Variants in MACF1 observed in about 807,000 individuals in gnomAD.
MACF1 encodes the protein microtubule actin crosslinking factor 1.
Under a neutral mutation model 854.8 loss-of-function variants are expected in MACF1, and 193 were observed. The observed-to-expected ratio is 0.23, with a 90% confidence interval of 0.20 to 0.25. The LOEUF (loss-of-function observed/expected upper bound fraction) is 0.25, where lower values mean the gene tolerates loss of function less well. Among genes scored for constraint, MACF1 ranks in the 10% least tolerant of loss-of-function variants. MACF1 has a pLI of 1.00. For synonymous variants in MACF1, 3,185 were observed against 3,226.7 expected (o/e 0.99, Z 0.44); for missense variants, 7,722 against 8,929.1 (o/e 0.86, Z 5.45).
intron 6 of MACF1, among the ~76,000 whole-genome samples, chr1:39,264,133 C>G (rs1338983523): frequency 6.6e-6 from 1 of 152,088 alleles, no homozygotes; most frequent in African/African-American, 2.4e-5. Flanking sequence ...TGTAACACAT[C>G]TATTATTTGT....
rs763129704 is a variant in MACF1, at chr1:39,443,527, A to G, written c.19384A>G (p.Thr6462Ala). The change falls in exon 79 of 101, where the codon ACA becomes GCA. Residue 6462 changes from threonine (T) to alanine (A), a missense_variant. By Grantham distance (58) the Thr-to-Ala change is moderately conservative. This residue lies in a region of MACF1 where 729 missense variants were observed against 900.5 expected (regional missense o/e 0.81). Transcript: ENST00000564288. ...MESQLSASKP[T>A]GGLPETAREQ... ...GAGCCAGCTTTCTGCATCTAAGCCCACAGGAGGACTTCCTGAAACTGCTAG... is the reference window on the plus strand; with the variant it reads ...GAGCCAGCTTTCTGCATCTAAGCCCGCAGGAGGACTTCCTGAAACTGCTAG... The G allele has an allele frequency of 3.1e-6, 5 of 1,613,610 alleles. No individual in the cohort carries two copies. The highest frequency in any genetic ancestry group is 4.2e-6 in the Non-Finnish European group (5 of 1,179,906).
Position 39,439,316 on chromosome 1 carries a change from A to G in MACF1, c.18263A>G (p.Asp6088Gly). ...KLDQMVFFWE[D>G]IKARAEEREI... ...GATCAAATGGTATTCTTCTGGGAGG[A>G]CATCAAAGCTCGGGCTGAAGAACGA... The change falls in exon 72 of 101, where the codon GAC (aspartate) becomes GGC (glycine). Residue 6088 changes from aspartate to glycine, a missense_variant. Coordinates refer to ENST00000564288, the MANE Select transcript of MACF1 (RefSeq NM_001394062.1). 1 of 1,614,008 alleles carries G rather than the reference A, an allele frequency of 6.2e-7. No homozygotes were observed. The highest frequency in any genetic ancestry group is 8.5e-7 in the Non-Finnish European group (1 of 1,179,918).
At chr1:39,338,267 T>A (rs867943359) in intron 38 of MACF1, among the ~76,000 whole-genome samples, 68 of 152,136 alleles carry the variant, frequency 4.5e-4, no homozygotes, top group African/African-American at 1.4e-3. Context: ...GTTGTTTTTT[T>A]TTTTTAGTGC....
intron 58 of MACF1, among the ~76,000 whole-genome samples, chr1:39,393,196 A>AATATATATATATATATATAT (rs1553345251): frequency 1.5e-5 from 1 of 66,552 alleles, no homozygotes; most frequent in African/African-American, 8.4e-5. Context: ...AAAAAAAAAA[A>AATATATATATATATATATAT]ATATATATAT....
intron 1 of MACF1, among the ~76,000 whole-genome samples, chr1:39,215,738 A>C (rs145142843): frequency 0.022 from 3,280 of 152,146 alleles, 52 homozygotes; most frequent in South Asian, 0.035. Flanking sequence ...CATAGTGCTG[A>C]AAGTCCAGAG....
intron 58 of MACF1, among the ~76,000 whole-genome samples, chr1:39,393,846 G>GGAGAGAGAGAGA (rs10652572): frequency 4.3e-5 from 6 of 140,738 alleles, no homozygotes; most frequent in African/African-American, 1.6e-4. Flanking sequence ...AGGGAGGGAG[G>GGAGAGAGAGAGA]GAGAGAGAGA....
At position 39,380,226 on chromosome 1, in the gene MACF1, T is replaced by C. The variant is rs1188414994; in HGVS notation, c.13519-18T>C. 1.2e-6 allele frequency: 2 copies of C among 1,609,774 alleles called. No homozygotes were observed. Among genetic ancestry groups the C allele is most frequent in the South Asian group, 2.2e-5 (2 of 90,318 alleles). On this transcript the variant is annotated intron_variant, in intron 54 of 100. Transcript: ENST00000564288. ...CCTGTCCAGAATCTCATGGCATGCATGGCATTCTTTCTCCTAGGCCTTCCT... is the reference window on the plus strand; with the variant it reads ...CCTGTCCAGAATCTCATGGCATGCACGGCATTCTTTCTCCTAGGCCTTCCT...
At chr1:39,485,188 T>C (rs1645081637) in intron 100 of MACF1, 1 of 312,830 alleles carries the variant, frequency 3.2e-6, no homozygotes, top group Non-Finnish European at 5.9e-6. Flanking sequence ...GGCTGGCTGC[T>C]TCCCCTCATT....
At chr1:39,327,091 A>T (rs764329065) in intron 35 of MACF1, 127 bp from the exon 36 acceptor site, 15 of 924,578 alleles carry the variant, frequency 1.6e-5, no homozygotes, top group Non-Finnish European at 2.2e-5. Flanking sequence ...GAAATGCCAA[A>T]GTCTCCGATG....
chr1:39,156,314 C>T (rs1218681048), intron 2 of MACF1, among the ~76,000 whole-genome samples: 3 of 152,120 alleles, frequency 2.0e-5, no homozygotes, highest in Admixed American at 2.0e-4. Context: ...TGGCCTATGA[C>T]TTAGTATTTT....
intron 58 of MACF1, among the ~76,000 whole-genome samples, chr1:39,401,228 T>C (rs1484804150): frequency 5.9e-5 from 9 of 152,212 alleles, no homozygotes; most frequent in African/African-American, 1.4e-4. Context: ...ATTCATATTA[T>C]TTTCAAATCA....
rs140515715 is a variant in MACF1 at position 39,465,921 on chromosome 1, G to A, written c.21771+809G>A. 1.4e-3 allele frequency among the ~76,000 whole-genome samples: 216 copies of A among 152,176 alleles called. 2 individuals are homozygous for A. Among genetic ancestry groups the A allele is most frequent in the Middle Eastern group, 6.8e-3 (2 of 294 alleles). ...AAAAACTAAAGATGAGAACAAACTG[G>A]CTTTAAAAAAACATCATTGCTTGAG... On this transcript the variant is annotated intron_variant, in intron 95 of 100. Transcript: ENST00000564288.
chr1:39,260,885 TACTC>T (rs966847378), intron 6 of MACF1, among the ~76,000 whole-genome samples: 1 of 152,170 alleles, frequency 6.6e-6, no homozygotes, highest in African/African-American at 2.4e-5. Context: ...TGTGGTTACT[TACTC>T]TTTTCCTACA....
rs1644538151 is a variant in MACF1, at chr1:39,460,859, G to C, written c.21523+65G>C. On this transcript the variant is annotated intron_variant, in intron 92 of 100. Coordinates refer to ENST00000564288, the MANE Select transcript of MACF1 (RefSeq NM_001394062.1). The surrounding 1 kb of genome is among the most constrained non-coding windows in gnomAD (Gnocchi z 4.1). ...ATTCCTTGCACTTTGTAGAAGCTGT[G>C]ATATTCTAGCTAAACAGTCTTTCTG... 2.6e-6 allele frequency: 4 copies of C among 1,562,320 alleles called. No individual in the cohort carries two copies. Among genetic ancestry groups the C allele is most frequent in the Non-Finnish European group, 3.5e-6 (4 of 1,135,914 alleles).
At chr1:39,173,437 G>A (rs1240216186) in intron 2 of MACF1, among the ~76,000 whole-genome samples, 2 of 152,154 alleles carry the variant, frequency 1.3e-5, no homozygotes, top group African/African-American at 2.4e-5. Context: ...TAGATTTGGA[G>A]TAAGAAGCAG....
chr1:39,285,500 C>CTT (rs75602935), intron 13 of MACF1, 104 bp from the exon 14 acceptor site: 4,784 of 1,308,986 alleles, frequency 3.7e-3, no homozygotes, highest in Non-Finnish European at 4.5e-3. Flanking sequence ...TATTATTTCC[C>CTT]TTTTTTTTTT....
chr1:39,177,356 A>G (rs985322944), intron 2 of MACF1, among the ~76,000 whole-genome samples: 2 of 152,130 alleles, frequency 1.3e-5, no homozygotes, highest in African/African-American at 4.8e-5. Flanking sequence ...TCCTGACCTC[A>G]TGTGATCCAC....
At chr1:39,349,984 T>C (rs1480196179) in intron 42 of MACF1, among the ~76,000 whole-genome samples, 1 of 152,190 alleles carries the variant, frequency 6.6e-6, no homozygotes, top group African/African-American at 2.4e-5. Flanking sequence ...TTAGCAATAA[T>C]GGTAAACAGA....
chr1:39,226,733 C>T (rs1644720800), intron 1 of MACF1, among the ~76,000 whole-genome samples: 1 of 152,138 alleles, frequency 6.6e-6, no homozygotes, highest in Non-Finnish European at 1.5e-5. Flanking sequence ...ATGAATTCCA[C>T]CTCCTTTAAA....
Sources: allele counts gnomAD v4.1 joint callset (sites outside exome capture counted in the v4.1 genomes callset), GRCh38; gene constraint gnomAD v4.1.1; regional missense constraint gnomAD v4.1.1; non-coding constraint Gnocchi (gnomAD v3.1); transcripts MANE v1.5; gene names NCBI Gene and HGNC (gene_info 2026-07-23, HGNC 2026-07-21).